The following TBC1D1 variants were observed in gnomAD, a reference collection of about 807,000 sequenced individuals.
TBC1D1 encodes the protein TBC1 domain family member 1, also known as TBC1 (tre-2/USP6, BUB2, cdc16) domain family, member 1.
In TBC1D1, 89 loss-of-function variants were observed where a neutral mutation model predicts 125.6. The ratio of observed to expected loss-of-function variants is 0.71; its 90% confidence interval spans 0.60 to 0.85. TBC1D1 has a LOEUF of 0.85. Among genes scored for constraint, TBC1D1 ranks in the 40% least tolerant of loss-of-function variants. The pLI, the probability that TBC1D1 is intolerant of heterozygous loss-of-function variation, is 0.00. For missense variants in TBC1D1, 1,377 were observed against 1,469.2 expected (o/e 0.94, Z 1.03); for synonymous variants, 565 against 564.1 (o/e 1.00, Z -0.02).
intron 12 of TBC1D1, among the ~76,000 whole-genome samples, chr4:38,059,209 A>AT (rs967249352): frequency 5.3e-5 from 8 of 151,364 alleles, no homozygotes; most frequent in East Asian, 1.9e-4. Flanking sequence ...ATCCCAGACT[A>AT]TTTTTTTTTC....
intron 19 of TBC1D1, among the ~76,000 whole-genome samples, chr4:38,134,310 A>G (rs1261997436): frequency 6.6e-6 from 1 of 152,236 alleles, no homozygotes; most frequent in Non-Finnish European, 1.5e-5. Flanking sequence ...CCATCCCAGC[A>G]TACCCTATCA....
intron 15 of TBC1D1, among the ~76,000 whole-genome samples, chr4:38,111,077 G>A (rs56999052): frequency 2.0e-3 from 302 of 152,376 alleles, no homozygotes; most frequent in African/African-American, 7.1e-3. Context: ...CTGCAGGTGC[G>A]CATCATATGG....
intron 2 of TBC1D1, among the ~76,000 whole-genome samples, chr4:37,986,600 C>T (rs1488630639): frequency 3.3e-5 from 5 of 152,082 alleles, no homozygotes; most frequent in Admixed American, 6.5e-5. Context: ...TGCCCGCCAC[C>T]GTGCCTGGCT....
intron 2 of TBC1D1, among the ~76,000 whole-genome samples, chr4:37,973,633 T>C (rs1206489937): frequency 1.3e-5 from 2 of 152,154 alleles, no homozygotes; most frequent in Admixed American, 1.3e-4. Context: ...TGGGTTCAGC[T>C]TGTCCAGTCT....
intron 2 of TBC1D1, among the ~76,000 whole-genome samples, chr4:37,925,622 G>T (rs1721926252): frequency 6.7e-6 from 1 of 149,278 alleles, no homozygotes; most frequent in African/African-American, 2.5e-5. Flanking sequence ...AGCGGAGGTT[G>T]CAGTGAGCTA....
At chr4:37,989,857 T>A (rs1736202448) in intron 2 of TBC1D1, among the ~76,000 whole-genome samples, 1 of 152,222 alleles carries the variant, frequency 6.6e-6, no homozygotes, top group Non-Finnish European at 1.5e-5. Flanking sequence ...TCTGGTTTTT[T>A]TCGTCTCTCA....
intron 4 of TBC1D1, among the ~76,000 whole-genome samples, 184 bp from the exon 5 acceptor site, chr4:38,020,407 G>T (rs1478434800): frequency 6.6e-6 from 1 of 152,210 alleles, no homozygotes; most frequent in African/African-American, 2.4e-5. Context: ...GAACCCTGGA[G>T]ACAGAGGTTG....
intron 2 of TBC1D1, among the ~76,000 whole-genome samples, chr4:38,002,075 T>TGA (rs1739192238): frequency 6.6e-6 from 1 of 152,128 alleles, no homozygotes; most frequent in African/African-American, 2.4e-5. Flanking sequence ...GGGATGTGCT[T>TGA]GAGAGAGAGC....
At chr4:38,031,458 A>T (rs1746116547) in intron 7 of TBC1D1, among the ~76,000 whole-genome samples, 1 of 152,144 alleles carries the variant, frequency 6.6e-6, no homozygotes, top group South Asian at 2.1e-4. Flanking sequence ...TGAAAACTTT[A>T]AGTTTTAAGA....
intron 2 of TBC1D1, among the ~76,000 whole-genome samples, chr4:37,993,483 G>A (rs1737088099): frequency 6.6e-6 from 1 of 152,172 alleles, no homozygotes; most frequent in Non-Finnish European, 1.5e-5. Context: ...TCTTGTTCCT[G>A]CATTGTGGTG....
intron 2 of TBC1D1, among the ~76,000 whole-genome samples, chr4:37,979,494 A>G (rs1326801148): frequency 2.0e-5 from 3 of 152,348 alleles, no homozygotes; most frequent in Non-Finnish European, 2.9e-5. Flanking sequence ...CACACTTTAC[A>G]TTACAAACTA....
intron 12 of TBC1D1, chr4:38,060,559 G>C (rs747848681): frequency 3.6e-6 from 4 of 1,098,950 alleles, no homozygotes; most frequent in Non-Finnish European, 4.9e-6. Flanking sequence ...AGACATATTT[G>C]CTCCTCTGAG....
At chr4:38,046,322 A>G (rs1749462237) in intron 10 of TBC1D1, among the ~76,000 whole-genome samples, 1 of 152,032 alleles carries the variant, frequency 6.6e-6, no homozygotes, top group African/African-American at 2.4e-5. Context: ...CAGTGAGCCA[A>G]GATCACGCCA....
At chr4:38,087,791 A>G (rs1757743065) in intron 12 of TBC1D1, among the ~76,000 whole-genome samples, 1 of 143,652 alleles carries the variant, frequency 7.0e-6, no homozygotes, top group South Asian at 2.3e-4. Flanking sequence ...GGTTGCAGTG[A>G]GCCAAGATTG....
chr4:37,989,415 A>G (rs1309460348), intron 2 of TBC1D1, among the ~76,000 whole-genome samples: 2 of 152,196 alleles, frequency 1.3e-5, no homozygotes, highest in South Asian at 2.1e-4. Context: ...CACCTTACAT[A>G]TATTGATTGA....
At chr4:38,123,768 G>A (rs1764219545) in intron 17 of TBC1D1, among the ~76,000 whole-genome samples, 1 of 152,200 alleles carries the variant, frequency 6.6e-6, no homozygotes, top group Non-Finnish European at 1.5e-5. Context: ...GTTAATTAAG[G>A]GTTTTGTGGT....
rs1337272881 is a variant in TBC1D1 at position 38,049,889 on chromosome 4, A to G, written c.1901A>G (p.His634Arg). Residue 634 changes from histidine to arginine, a missense_variant, in exon 11 of 20, where the codon CAT becomes CGT. This residue lies in a region of TBC1D1 where 822 missense variants were observed against 824.6 expected (regional missense o/e 1.00). Transcript: ENST00000261439. ...CACTCAGTGAGCACAGAGACGCCTC[A>G]TGAACGAAAGTAAGATTTGTTTAAA... is the stretch of plus-strand genomic sequence containing the variant. 3.7e-6 allele frequency: 6 copies of G among 1,607,616 alleles called. No homozygotes were observed. In the Admixed American group the frequency reaches 6.8e-5, roughly 18 times the overall value.
At chr4:38,013,308 A>T (rs962121659) in intron 2 of TBC1D1, among the ~76,000 whole-genome samples, 1 of 152,238 alleles carries the variant, frequency 6.6e-6, no homozygotes, top group Non-Finnish European at 1.5e-5. Flanking sequence ...TGTCATGAAC[A>T]CTGAATATAA....
At chr4:38,051,871 C>G in intron 11 of TBC1D1, 28 bp from the exon 12 acceptor site, 1 of 1,543,732 alleles carries the variant, frequency 6.5e-7, no homozygotes, top group African/African-American at 1.4e-5. Flanking sequence ...CTGCTAACCC[C>G]CCCGTGCTTT....
Sources: gnomAD v4.1 joint callset for allele counts (sites outside exome capture counted in the v4.1 genomes callset) on GRCh38, gnomAD v4.1.1 for gene constraint, gnomAD v4.1.1 regional missense constraint, MANE v1.5 for transcripts, NCBI Gene and HGNC (gene_info 2026-07-23, HGNC 2026-07-21) for gene names.